Variants in PXK observed in about 807,000 individuals in gnomAD.
PXK encodes the protein PX domain containing serine/threonine kinase like.
A neutral mutation model predicts 84.7 loss-of-function variants in PXK; 35 were observed. The ratio of observed to expected loss-of-function variants is 0.41; its 90% confidence interval spans 0.32 to 0.55. PXK has a LOEUF of 0.55. Among genes scored for constraint, PXK ranks in the 20% least tolerant of loss-of-function variants. The pLI, the probability that PXK is intolerant of heterozygous loss-of-function variation, is 0.21. For missense variants in PXK, 634 were observed against 699.7 expected, an observed-to-expected ratio of 0.91 and a Z score of 1.06; for synonymous variants, 253 against 260.8, an observed-to-expected ratio of 0.97 and a Z score of 0.29.
At position 58,420,652 on chromosome 3, in the gene PXK, T is replaced by C; in HGVS notation, c.1529-4100T>C. 3.3e-6 allele frequency: 5 copies of C among 1,530,272 alleles called. No homozygotes were observed. In the South Asian group the frequency reaches 6.0e-5, roughly 18 times the overall value. The allele number at this position is 1,530,272 out of a possible 1,614,324, so 94.8% of individuals were successfully genotyped here. ...ATAGGACCCAAAGTGTCTCGATTGC[T>C]GAAGTGATGAACAAGTGGGAAAGCA... On this transcript the variant is annotated intron_variant, in intron 17 of 17. Coordinates refer to ENST00000356151, the MANE Select transcript of PXK (RefSeq NM_017771.5).
intron 17 of PXK, 39 bp from the exon 18 acceptor site, chr3:58,424,713 G>C: frequency 6.2e-7 from 1 of 1,600,212 alleles, no homozygotes; most frequent in Non-Finnish European, 8.5e-7. Flanking sequence ...CAGGGCAGCT[G>C]TGGAGGTGAA....
intron 1 of PXK, among the ~76,000 whole-genome samples, chr3:58,347,995 C>T: frequency 6.6e-6 from 1 of 152,104 alleles, no homozygotes; most frequent in African/African-American, 2.4e-5. Context: ...CTCACCGCAA[C>T]CTTCACCTCC....
intron 1 of PXK, among the ~76,000 whole-genome samples, chr3:58,357,587 C>T (rs542265125): frequency 2.6e-5 from 4 of 152,314 alleles, no homozygotes; most frequent in African/African-American, 9.6e-5. Context: ...ATCCATTGCG[C>T]TATAATGTTA....
chr3:58,422,834 A>G, intron 17 of PXK: 1 of 985,406 alleles, frequency 1.0e-6, no homozygotes, highest in African/African-American at 1.7e-5. Context: ...CCTTTAGTAG[A>G]ACTCCCAAGT....
At chr3:58,341,541 GA>G (rs1267595101) in intron 1 of PXK, among the ~76,000 whole-genome samples, 1 of 151,996 alleles carries the variant, frequency 6.6e-6, no homozygotes, top group African/African-American at 2.4e-5. Flanking sequence ...CATCCTGGAT[GA>G]CAGAGTGAGA....
At chr3:58,352,985 A>G (rs7626442) in intron 1 of PXK, among the ~76,000 whole-genome samples, 36,221 of 150,308 alleles carry the variant, frequency 0.24, 4,476 homozygotes, top group African/African-American at 0.3. Context: ...GTTAAAGCAC[A>G]TGATTCTATG....
In PXK at chr3:58,397,434, T is replaced by G. The variant is rs998759410; in HGVS notation, c.985-171T>G. 3.3e-5 allele frequency among the ~76,000 whole-genome samples: 5 copies of G among 152,112 alleles called. No homozygotes were observed. The highest frequency in any genetic ancestry group is 4.8e-5 in the African/African-American group (2 of 41,430). ...AACTGTGGAGGGTCGGACCAAGACC[T>G]TTGGGATACCTCATGAGGTTTTACA... On this transcript the variant is annotated intron_variant, in intron 10 of 17. Coordinates refer to ENST00000356151, the MANE Select transcript of PXK (RefSeq NM_017771.5). This position sits in a 1 kb window ranked among gnomAD's most constrained non-coding sequence, Gnocchi z 4.7.
At chr3:58,351,428 T>C (rs2097922821) in intron 1 of PXK, among the ~76,000 whole-genome samples, 1 of 151,482 alleles carries the variant, frequency 6.6e-6, no homozygotes. Flanking sequence ...TGTGTGTGTG[T>C]GTGTGTATTT....
chr3:58,334,443 C>T (rs1425125116), intron 1 of PXK, among the ~76,000 whole-genome samples: 1 of 152,092 alleles, frequency 6.6e-6, no homozygotes, highest in East Asian at 1.9e-4. Context: ...GATAGGGAGT[C>T]AAGAGTAATT....
intron 3 of PXK, among the ~76,000 whole-genome samples, chr3:58,381,700 G>A (rs1483596905): frequency 6.6e-6 from 1 of 152,114 alleles, no homozygotes; most frequent in African/African-American, 2.4e-5. Context: ...GAGGATTAGG[G>A]ACAGGATGTG....
At chr3:58,354,607 T>C (rs2108152825) in intron 1 of PXK, among the ~76,000 whole-genome samples, 1 of 152,094 alleles carries the variant, frequency 6.6e-6, no homozygotes, top group African/African-American at 2.4e-5. Context: ...CCATCGTGCC[T>C]GGCTAATTTT....
In PXK at chr3:58,333,298, G is replaced by C; in HGVS notation, c.102+208G>C. ...GAACGCTGAGGCCCGGAGGGGCCAA[G>C]GATGGGGACCGCAGCTCCCGGCGCC... On this transcript the variant is annotated intron_variant, in intron 1 of 17. Coordinates refer to ENST00000356151, the MANE Select transcript of PXK (RefSeq NM_017771.5). This position sits in a 1 kb window ranked among gnomAD's most constrained non-coding sequence, Gnocchi z 5.4. 3.3e-6 allele frequency: 1 copy of C among 301,460 alleles called. No homozygotes were observed. The highest frequency in any genetic ancestry group is 6.4e-6 in the Non-Finnish European group (1 of 155,842). 18.7% of individuals were successfully genotyped at this position (301,460 alleles called of 1,614,324 possible). A position where few individuals can be genotyped will look rare whatever the true frequency, so the allele number is the denominator to read the frequency against.
At chr3:58,394,510 G>T (rs945472407) in intron 7 of PXK, among the ~76,000 whole-genome samples, 6 of 152,192 alleles carry the variant, frequency 3.9e-5, no homozygotes, top group Non-Finnish European at 8.8e-5. Flanking sequence ...TGGCTAGTAT[G>T]CTTCTTGGCT....
rs2060138057 is a variant in PXK, at chr3:58,411,113, G to A, written c.1465+954G>A. Among the ~76,000 whole-genome samples the A allele has an allele frequency of 6.6e-6, 1 of 152,152 alleles. No homozygotes were observed. Among genetic ancestry groups the A allele is most frequent in the South Asian group, 2.1e-4 (1 of 4,828 alleles). ...AGAGATGTTTAGAAGGGAGGAAATT[G>A]GGGATATTCACAGGTCATGCCTCAG... On this transcript the variant is annotated intron_variant, in intron 16 of 17. Transcript: ENST00000356151. This position sits in a 1 kb window ranked among gnomAD's most constrained non-coding sequence, Gnocchi z 4.2.
intron 17 of PXK, chr3:58,413,310 G>A (rs915309590): frequency 3.5e-6 from 1 of 289,032 alleles, no homozygotes; most frequent in Admixed American, 4.7e-5. Context: ...CAGGGGTCCC[G>A]TCCTGCCAGG....
chr3:58,389,166 T>C (rs4130877), intron 4 of PXK, among the ~76,000 whole-genome samples: 44,646 of 152,040 alleles, frequency 0.29, 7,340 homozygotes, highest in Middle Eastern at 0.39. Context: ...AAAAAGAGGA[T>C]GGATTTTTTT....
chr3:58,332,958 T>C lies in PXK; in HGVS notation c.-31T>C. On this transcript the variant is annotated 5_prime_UTR_variant, in exon 1 of 18. Transcript: ENST00000356151. This position sits in a 1 kb window ranked among gnomAD's most constrained non-coding sequence, Gnocchi z 5.6. ...CGGCGCCTCGGGTTCCTACCTCGCGTCCCTAGGCGGCGGCGGCCGGGCGTC... is the reference window on the plus strand; with the variant it reads ...CGGCGCCTCGGGTTCCTACCTCGCGCCCCTAGGCGGCGGCGGCCGGGCGTC... 1 of 1,324,816 alleles carries C rather than the reference T, an allele frequency of 7.5e-7. No individual in the cohort carries two copies. Among genetic ancestry groups the C allele is most frequent in the Non-Finnish European group, 9.8e-7 (1 of 1,019,208 alleles). 82.1% of individuals were successfully genotyped at this position (1,324,816 alleles called of 1,614,324 possible).
intron 17 of PXK, among the ~76,000 whole-genome samples, chr3:58,418,676 C>T (rs534542726): frequency 6.6e-5 from 10 of 152,158 alleles, no homozygotes; most frequent in Non-Finnish European, 1.5e-4. Flanking sequence ...GCTTTATAAG[C>T]GGTAAAGCAC....
Position 58,421,783 on chromosome 3 carries a change from G to A in PXK, c.1529-2969G>A. 1.0e-6 allele frequency: 1 copy of A among 985,426 alleles called. No homozygotes were observed. Among genetic ancestry groups the A allele is most frequent in the Non-Finnish European group, 1.2e-6 (1 of 829,932 alleles). 61.0% of individuals were successfully genotyped at this position (985,426 alleles called of 1,614,324 possible). ...TTTGGGGTGGGTAGAGTAAGTAGTT[G>A]GCTCTCAGGGATTTTGTCTAAGAGA... On this transcript the variant is annotated intron_variant, in intron 17 of 17. Transcript: ENST00000356151. This position sits in a 1 kb window ranked among gnomAD's most constrained non-coding sequence, Gnocchi z 5.5.
Sources: gnomAD v4.1 joint callset for allele counts (sites outside exome capture counted in the v4.1 genomes callset) on GRCh38, gnomAD v4.1.1 for gene constraint, Gnocchi (gnomAD v3.1) non-coding constraint, MANE v1.5 for transcripts, NCBI Gene and HGNC (gene_info 2026-07-23, HGNC 2026-07-21) for gene names.